Variants in STK39 observed in about 807,000 individuals in gnomAD.
STK39 encodes serine/threonine kinase 39, also known as STE20/SPS1-related proline-alanine-rich protein kinase.
In STK39, 20 loss-of-function variants were observed where a neutral mutation model predicts 77.8. That is an observed-to-expected ratio of 0.26 (90% CI 0.18 to 0.37). The LOEUF (loss-of-function observed/expected upper bound fraction) is 0.37. STK39 is among the 10% of genes least tolerant of loss of function. The probability of loss-of-function intolerance (pLI) is 1.00; values close to 1 mark genes in which losing one functional copy is unlikely to be tolerated. For missense variants in STK39, 479 were observed against 656.5 expected (o/e 0.73, Z 2.95); for synonymous variants, 246 against 234.1 (o/e 1.05, Z -0.47).
intron 17 of STK39, among the ~76,000 whole-genome samples, chr2:167,958,824 C>T (rs957621537): frequency 6.6e-6 from 1 of 152,210 alleles, no homozygotes; most frequent in Non-Finnish European, 1.5e-5. Flanking sequence ...ATCTATTGGT[C>T]TACCTTGCAC....
chr2:168,234,179 G>A (rs566480719), intron 1 of STK39, among the ~76,000 whole-genome samples: 13 of 152,302 alleles, frequency 8.5e-5, no homozygotes, highest in Admixed American at 2.6e-4. Flanking sequence ...CATCATAACA[G>A]TATTTAGCCA....
At chr2:168,223,601 G>T (rs1401268608) in intron 1 of STK39, among the ~76,000 whole-genome samples, 1 of 152,042 alleles carries the variant, frequency 6.6e-6, no homozygotes, top group Non-Finnish European at 1.5e-5. Context: ...AAGTGAAGGA[G>T]GCAAAGAGGA....
At chr2:168,131,309 G>A (rs1292716354) in intron 8 of STK39, among the ~76,000 whole-genome samples, 1 of 152,126 alleles carries the variant, frequency 6.6e-6, no homozygotes, top group Non-Finnish European at 1.5e-5. Context: ...GAGAAAGGAG[G>A]AGGGATGCAT....
At chr2:168,150,574 G>A (rs546652359) in intron 5 of STK39, among the ~76,000 whole-genome samples, 1 of 152,154 alleles carries the variant, frequency 6.6e-6, no homozygotes, top group Admixed American at 6.5e-5. Flanking sequence ...ATGATTCTTT[G>A]CACAGATTTA....
chr2:168,121,494 A>T (rs576602289), intron 10 of STK39, among the ~76,000 whole-genome samples: 15 of 152,336 alleles, frequency 9.8e-5, no homozygotes, highest in African/African-American at 3.6e-4. Flanking sequence ...CAGCACCTTG[A>T]TGGATCGGAA....
At chr2:168,119,641 CA>C (rs1259404374) in intron 10 of STK39, among the ~76,000 whole-genome samples, 1 of 152,164 alleles carries the variant, frequency 6.6e-6, no homozygotes, top group Non-Finnish European at 1.5e-5. Context: ...AGGCCTTCGA[CA>C]AAGCCAAAAC....
chr2:167,955,928 C>T (rs1691752317), intron 17 of STK39, among the ~76,000 whole-genome samples: 1 of 152,176 alleles, frequency 6.6e-6, no homozygotes, highest in Admixed American at 6.5e-5. Flanking sequence ...TACTTTCTAA[C>T]TAAATCACCT....
At chr2:168,013,202 C>T (rs1189421235) in intron 15 of STK39, among the ~76,000 whole-genome samples, 3 of 152,194 alleles carry the variant, frequency 2.0e-5, no homozygotes, top group Non-Finnish European at 4.4e-5. Flanking sequence ...TAAATGTATG[C>T]TATTAAGAAA....
At chr2:168,077,918 AG>A (rs1686122729) in intron 10 of STK39, among the ~76,000 whole-genome samples, 1 of 148,942 alleles carries the variant, frequency 6.7e-6, no homozygotes, top group South Asian at 2.1e-4. Flanking sequence ...AAAAAAAAAA[AG>A]TGCAGAAAAG....
At chr2:168,090,282 A>T (rs1686483333) in intron 10 of STK39, among the ~76,000 whole-genome samples, 1 of 139,132 alleles carries the variant, frequency 7.2e-6, no homozygotes, top group African/African-American at 2.5e-5. Flanking sequence ...GGGACCAAAG[A>T]TACATTTGTT....
chr2:168,048,620 A>G (rs1490589009), intron 14 of STK39, among the ~76,000 whole-genome samples: 1 of 152,212 alleles, frequency 6.6e-6, no homozygotes, highest in Non-Finnish European at 1.5e-5. Context: ...CCCCAGGGAC[A>G]GTACAGGACC....
At chr2:168,223,033 T>C (rs1223980741) in intron 1 of STK39, among the ~76,000 whole-genome samples, 1 of 152,180 alleles carries the variant, frequency 6.6e-6, no homozygotes, top group Non-Finnish European at 1.5e-5. Context: ...AAAACAACTC[T>C]GCAAGGCCAA....
chr2:168,164,330 T>G (rs1052787694), intron 3 of STK39, among the ~76,000 whole-genome samples: 7 of 152,110 alleles, frequency 4.6e-5, no homozygotes, highest in Admixed American at 2.0e-4. Flanking sequence ...GGGAAAGAAG[T>G]ATGTTGTTTC....
chr2:168,006,437 T>A (rs1419166412), intron 16 of STK39, among the ~76,000 whole-genome samples: 1 of 152,186 alleles, frequency 6.6e-6, no homozygotes. Flanking sequence ...GTGTTTTGCA[T>A]TTTTCCCCCG....
chr2:168,180,144 C>G (rs1179788211), intron 2 of STK39, among the ~76,000 whole-genome samples: 1 of 152,080 alleles, frequency 6.6e-6, no homozygotes, highest in African/African-American at 2.4e-5. Flanking sequence ...GTCAGGGGTT[C>G]GAGACCAGCC....
chr2:168,140,315 G>A lies in STK39; in HGVS notation c.814C>T (p.Pro272Ser). 1.2e-6 allele frequency: 2 copies of A among 1,613,994 alleles called. No individual in the cohort carries two copies. The highest frequency in any genetic ancestry group is 1.7e-6 in the Non-Finnish European group (2 of 1,179,912). ...TAIELATGAA[P>S]YHKYPPMKVL... Reference sequence around the variant, plus strand: ...TTCATGGGAGGATATTTGTGATAAGGCGCTGCTCCTGTTGCTAATTCAATG... The same window carrying A: ...TTCATGGGAGGATATTTGTGATAAGACGCTGCTCCTGTTGCTAATTCAATG... Residue 272 changes from proline (P) to serine (S), a missense_variant, in exon 7 of 18, where the codon CCT becomes TCT. Physicochemically the swap from Pro to Ser is moderately conservative, Grantham distance 74 (BLOSUM62 -1). Transcript: ENST00000355999.
At chr2:168,011,311 A>G (rs1256644462) in intron 16 of STK39, among the ~76,000 whole-genome samples, 1 of 152,024 alleles carries the variant, frequency 6.6e-6, no homozygotes, top group Non-Finnish European at 1.5e-5. Flanking sequence ...AAAAAACAAA[A>G]CCAAAACCAA....
chr2:167,970,062 G>A (rs1486160000), intron 16 of STK39, among the ~76,000 whole-genome samples: 2 of 152,016 alleles, frequency 1.3e-5, no homozygotes, highest in African/African-American at 4.8e-5. Flanking sequence ...CCCTCTCCCG[G>A]AAATGTTCTT....
At chr2:168,208,292 T>C (rs1689792896) in intron 1 of STK39, among the ~76,000 whole-genome samples, 1 of 152,202 alleles carries the variant, frequency 6.6e-6, no homozygotes, top group South Asian at 2.1e-4. Flanking sequence ...GCTAACCTAT[T>C]GGACTATATA....
Sources: allele counts gnomAD v4.1 joint callset (sites outside exome capture counted in the v4.1 genomes callset), GRCh38; gene constraint gnomAD v4.1.1; transcripts MANE v1.5; gene names NCBI Gene and HGNC (gene_info 2026-07-23, HGNC 2026-07-21).